CYP3A43: variants seen among roughly 807,000 people sequenced by gnomAD.
The protein encoded by CYP3A43 is cytochrome P450 family 3 subfamily A member 43.
A neutral mutation model predicts 58.0 loss-of-function variants in CYP3A43; 45 were observed. That is an observed-to-expected ratio of 0.78 (90% CI 0.61 to 0.99). The LOEUF (loss-of-function observed/expected upper bound fraction) is 0.99, where lower values mean the gene tolerates loss of function less well. CYP3A43 is among the 50% of genes least tolerant of loss of function. CYP3A43 has a pLI of 0.00. For missense variants in CYP3A43, 593 were observed against 591.9 expected, an observed-to-expected ratio of 1.00 and a Z score of -0.02; for synonymous variants, 191 against 201.4, an observed-to-expected ratio of 0.95 and a Z score of 0.44.
intron 1 of CYP3A43, among the ~76,000 whole-genome samples, chr7:99,831,624 T>C (rs1450260966): frequency 6.6e-6 from 1 of 152,180 alleles, no homozygotes; most frequent in Non-Finnish European, 1.5e-5. Flanking sequence ...GAACCTGCAA[T>C]TGATGGAGTT....
intron 3 of CYP3A43, among the ~76,000 whole-genome samples, chr7:99,840,778 A>G (rs564941684): frequency 3.3e-5 from 5 of 152,238 alleles, no homozygotes; most frequent in East Asian, 3.9e-4. Flanking sequence ...ACCTCTATCA[A>G]TCAAGACACC....
intron 12 of CYP3A43, among the ~76,000 whole-genome samples, chr7:99,865,478 T>C (rs1186567506): frequency 2.7e-5 from 4 of 148,888 alleles, no homozygotes; most frequent in Non-Finnish European, 5.9e-5. Context: ...AGACTGTCCA[T>C]ATAATTGAAA....
At chr7:99,853,397 TA>T (rs1437412468) in intron 7 of CYP3A43, among the ~76,000 whole-genome samples, 2 of 152,252 alleles carry the variant, frequency 1.3e-5, no homozygotes, top group African/African-American at 4.8e-5. Flanking sequence ...ATAAAATTGT[TA>T]AGAGAATATC....
intron 11 of CYP3A43, among the ~76,000 whole-genome samples, chr7:99,862,291 C>A (rs944313404): frequency 6.6e-6 from 1 of 152,152 alleles, no homozygotes; most frequent in Non-Finnish European, 1.5e-5. Context: ...TTTAGCACCA[C>A]GTTTAGGACA....
intron 12 of CYP3A43, among the ~76,000 whole-genome samples, chr7:99,864,362 A>G (rs922536199): frequency 1.3e-5 from 2 of 148,842 alleles, no homozygotes; most frequent in African/African-American, 2.6e-5. Context: ...TCGCTGCTTC[A>G]TACAAGCTGT....
intron 7 of CYP3A43, among the ~76,000 whole-genome samples, chr7:99,854,359 A>G (rs1280215597): frequency 6.6e-6 from 1 of 151,328 alleles, no homozygotes; most frequent in Non-Finnish European, 1.5e-5. Flanking sequence ...AGTGTCCACC[A>G]CCATGCCCAG....
intron 3 of CYP3A43, 163 bp downstream of exon 3, chr7:99,839,335 T>A: frequency 1.2e-6 from 1 of 845,870 alleles, no homozygotes; most frequent in Non-Finnish European, 2.0e-6. Flanking sequence ...ATCTGGGAAT[T>A]GAGCATTGCA....
chr7:99,849,954 C>CTTTTT, intron 7 of CYP3A43: 2 of 464,920 alleles, frequency 4.3e-6, no homozygotes, highest in African/African-American at 4.2e-5. Flanking sequence ...TCTTCCTCAC[C>CTTTTT]ATTTTTTTTT....
At chr7:99,833,744 C>T (rs901419765) in intron 1 of CYP3A43, among the ~76,000 whole-genome samples, 1 of 152,214 alleles carries the variant, frequency 6.6e-6, no homozygotes, top group African/African-American at 2.4e-5. Flanking sequence ...CGGAGCTGAG[C>T]TTTTTCTTCT....
chr7:99,829,712 C>T (rs1445649167), intron 1 of CYP3A43, among the ~76,000 whole-genome samples: 1 of 152,198 alleles, frequency 6.6e-6, no homozygotes, highest in African/African-American at 2.4e-5. Context: ...TCTCCTTTTG[C>T]TTTGGTAGAA....
intron 4 of CYP3A43, among the ~76,000 whole-genome samples, chr7:99,844,935 G>A (rs573853532): frequency 1.3e-5 from 2 of 152,148 alleles, no homozygotes; most frequent in East Asian, 3.9e-4. Flanking sequence ...CAGGCATGGT[G>A]GTGGGCACCT....
chr7:99,828,167 A>G lies in CYP3A43; in HGVS notation c.52A>G (p.Ser18Gly), dbSNP rs1283809918. The G allele has an allele frequency of 1.2e-6, 2 of 1,612,754 alleles. No homozygotes were observed. Among genetic ancestry groups the G allele is most frequent in the Admixed American group, 1.7e-5 (1 of 60,002 alleles). The change falls in exon 1 of 13, where the codon AGC (serine) becomes GGC (glycine). Residue 18 changes from serine (S) to glycine (G), a missense_variant. Transcript: ENST00000354829. Reference protein sequence around the residue: ...AMETWVLVATSLVLLYIYGTH... With the variant: ...AMETWVLVATGLVLLYIYGTH... ...GGAAACATGGGTTCTTGTGGCTACC[A>G]GCCTGGTACTCCTCTATATGTGAGT... is the stretch of plus-strand genomic sequence containing the variant.
chr7:99,844,362 A>C, intron 4 of CYP3A43, 120 bp downstream of exon 4: 6 of 872,548 alleles, frequency 6.9e-6, no homozygotes, highest in Admixed American at 2.5e-5. Context: ...ATTTCCCCCA[A>C]TGGTGATGTC....
intron 2 of CYP3A43, 139 bp from the exon 3 acceptor site, chr7:99,838,981 A>T (rs1563061186): frequency 5.0e-6 from 5 of 1,001,700 alleles, no homozygotes; most frequent in Non-Finnish European, 7.4e-6. Flanking sequence ...GGAAAAAAAA[A>T]AGATTCCCTC....
At position 99,855,730 on chromosome 7, in the gene CYP3A43, T is replaced by A. The variant is rs377209436; in HGVS notation, c.798+12T>A. The A allele has an allele frequency of 1.9e-6, 3 of 1,598,862 alleles. No homozygotes were observed. In the African/African-American group the frequency reaches 4.0e-5, roughly 22 times the overall value. On this transcript the variant is annotated intron_variant, in intron 8 of 12. Transcript: ENST00000354829. ...AAGATAAACAAAAGGTAAAATCTGG[T>A]GGTGGTGACATGAGAATGTTCACTT...
chr7:99,861,751 C>G lies in CYP3A43; in HGVS notation c.1165C>G (p.Pro389Ala), dbSNP rs1226815854. 6 of 1,614,116 alleles carry G rather than the reference C, an allele frequency of 3.7e-6. No homozygotes were observed. The highest frequency in any genetic ancestry group is 5.1e-6 in the Non-Finnish European group (6 of 1,180,014). The change falls in exon 11 of 13, where the codon CCC (proline) becomes GCC (alanine). Residue 389 changes from proline to alanine, a missense_variant. Pro to Ala is a conservative substitution (Grantham distance 27, BLOSUM62 -1). Coordinates refer to ENST00000354829, the MANE Select transcript of CYP3A43 (RefSeq NM_057095.3). ...TATTGAAATCAATGGAGTGTTCATT[C>G]CCAAAGGGTTAGCAGTGATGGTTCC... ...KDIEINGVFI[P>A]KGLAVMVPIY...
intron 11 of CYP3A43, among the ~76,000 whole-genome samples, chr7:99,862,775 T>C (rs1818288088): frequency 6.6e-6 from 1 of 152,224 alleles, no homozygotes; most frequent in South Asian, 2.1e-4. Flanking sequence ...GCATGCTGTC[T>C]CTACTGCTGG....
intron 1 of CYP3A43, 112 bp from the exon 2 acceptor site, chr7:99,836,341 C>A: frequency 1.3e-6 from 1 of 763,738 alleles, no homozygotes; most frequent in Non-Finnish European, 2.2e-6. Context: ...TATTTATTGC[C>A]TCCATGTTAC....
At chr7:99,841,973 A>T (rs1817351058) in intron 3 of CYP3A43, among the ~76,000 whole-genome samples, 1 of 152,232 alleles carries the variant, frequency 6.6e-6, no homozygotes, top group African/African-American at 2.4e-5. Flanking sequence ...ATGTGCTGTT[A>T]TAATAAATAC....
Sources: gnomAD v4.1 joint callset for allele counts (sites outside exome capture counted in the v4.1 genomes callset) on GRCh38, gnomAD v4.1.1 for gene constraint, MANE v1.5 for transcripts, NCBI Gene and HGNC (gene_info 2026-07-23, HGNC 2026-07-21) for gene names.